The following PCDHGB2 variants were observed in gnomAD, a reference collection of about 807,000 sequenced individuals.
PCDHGB2 encodes the protein protocadherin gamma subfamily B, 2.
Under a neutral mutation model 59.3 loss-of-function variants are expected in PCDHGB2, and 55 were observed. The ratio of observed to expected loss-of-function variants is 0.93; its 90% confidence interval spans 0.75 to 1.16. The LOEUF is 1.16. PCDHGB2 is among the 50% of genes most tolerant of loss of function. The pLI is 0.00. For missense variants in PCDHGB2, 1,228 were observed against 1,198.5 expected, an observed-to-expected ratio of 1.02 and a Z score of -0.36; for synonymous variants, 516 against 512.0, an observed-to-expected ratio of 1.01 and a Z score of -0.11.
At position 141,489,562 on chromosome 5, in the gene PCDHGB2, G is replaced by A. The variant is rs770734883; in HGVS notation, c.2422-5245G>A. ...CACCAGCTGCCTGCTGCCAGTGCAG[G>A]TGGTGACTGAACACCCCCTGGAGCT... On this transcript the variant is annotated intron_variant, in intron 1 of 3. Coordinates refer to ENST00000522605, the MANE Select transcript of PCDHGB2 (RefSeq NM_018923.3). The surrounding 1 kb of genome is among the most constrained non-coding windows in gnomAD (Gnocchi z 4.5). 2 of 1,614,114 alleles carry A rather than the reference G, an allele frequency of 1.2e-6. No homozygotes were observed. Among genetic ancestry groups the A allele is most frequent in the Non-Finnish European group, 1.7e-6 (2 of 1,180,028 alleles).
intron 2 of PCDHGB2, among the ~76,000 whole-genome samples, chr5:141,502,989 G>A (rs140974023): frequency 0.024 from 3,652 of 150,590 alleles, 56 homozygotes; most frequent in East Asian, 0.043. Context: ...GATTACAGGC[G>A]TGTGCCACCA....
intron 2 of PCDHGB2, among the ~76,000 whole-genome samples, chr5:141,497,671 C>T (rs1026356633): frequency 6.6e-5 from 10 of 151,878 alleles, no homozygotes; most frequent in African/African-American, 2.4e-4. Flanking sequence ...TCCCGAGTAG[C>T]TGGGACAGCA....
At chr5:141,409,995 C>A (rs777416137) in intron 1 of PCDHGB2, 2 of 1,613,308 alleles carry the variant, frequency 1.2e-6, no homozygotes, top group Admixed American at 3.3e-5. Flanking sequence ...GACGCCGACT[C>A]GGGACACAAC....
At chr5:141,418,987 A>T (rs1244429131) in intron 1 of PCDHGB2, 2 of 1,613,856 alleles carry the variant, frequency 1.2e-6, no homozygotes, top group Non-Finnish European at 1.7e-6. Flanking sequence ...ACCAAGACTC[A>T]GGGGAAAATG....
In PCDHGB2 at chr5:141,449,878, A is replaced by G. The variant is rs536474516; in HGVS notation, c.2422-44929A>G. On this transcript the variant is annotated intron_variant, in intron 1 of 3. Transcript: ENST00000522605. ...ATAAAAATCAGAAAATTTAACATCA[A>G]TGCAATATAATTATTTAGCCTATAG... 6.6e-4 allele frequency among the ~76,000 whole-genome samples: 100 copies of G among 152,050 alleles called. 1 individual carries two copies. The highest frequency in any genetic ancestry group is 2.4e-3 in the African/African-American group (99 of 41,574).
chr5:141,420,286 A>C, intron 1 of PCDHGB2: 1 of 1,505,774 alleles, frequency 6.6e-7, no homozygotes, highest in Non-Finnish European at 8.9e-7. Flanking sequence ...TAAGTATTTA[A>C]AAATGTATTT....
chr5:141,483,903 G>C (rs1167942546), intron 1 of PCDHGB2, among the ~76,000 whole-genome samples: 1 of 151,282 alleles, frequency 6.6e-6, no homozygotes, highest in Admixed American at 6.6e-5. Context: ...GCTCTGGTGT[G>C]TTTCCCACTC....
At chr5:141,509,216 T>C (rs2099875781) in intron 3 of PCDHGB2, among the ~76,000 whole-genome samples, 1 of 152,124 alleles carries the variant, frequency 6.6e-6, no homozygotes, top group South Asian at 2.1e-4. Flanking sequence ...TATTTCTCAA[T>C]CCCTGGTTGA....
At position 141,361,411 on chromosome 5, in the gene PCDHGB2, G is replaced by C; in HGVS notation, c.1276G>C (p.Asp426His). ...ATACAATCTCACCATCACAGCCACC[G>C]ACGGGGGCAAGCCGCCCCTCTCCTC... is the stretch of plus-strand genomic sequence containing the variant. ...PEYNLTITATDGGKPPLSSSI... is the reference protein window; with the variant it reads ...PEYNLTITATHGGKPPLSSSI... The change falls in exon 1 of 4, where the codon GAC becomes CAC. Residue 426 changes from aspartate (D) to histidine (H), a missense_variant. Transcript: ENST00000522605. The C allele has an allele frequency of 1.2e-6, 2 of 1,613,998 alleles. No individual in the cohort carries two copies. The highest frequency in any genetic ancestry group is 2.2e-5 in the South Asian group (2 of 91,082).
chr5:141,373,270 G>A (rs1444168164), intron 1 of PCDHGB2, among the ~76,000 whole-genome samples: 3 of 152,194 alleles, frequency 2.0e-5, no homozygotes, highest in Non-Finnish European at 4.4e-5. Context: ...AGTATACACA[G>A]ATGTTGCCTA....
rs765185360 is a variant in PCDHGB2, at chr5:141,491,451, C to T, written c.2422-3356C>T. 1.2e-6 allele frequency: 2 copies of T among 1,614,112 alleles called. No individual in the cohort carries two copies. The highest frequency in any genetic ancestry group is 1.1e-5 in the South Asian group (1 of 91,082). On this transcript the variant is annotated intron_variant, in intron 1 of 3. Coordinates refer to ENST00000522605, the MANE Select transcript of PCDHGB2 (RefSeq NM_018923.3). This position sits in a 1 kb window ranked among gnomAD's most constrained non-coding sequence, Gnocchi z 6.9. ...AGTGCTGCAGGCGCCAGGACTCACC[C>T]TCCCCGGACTTCTATAAGCAGTCCA...
chr5:141,476,747 C>T lies in PCDHGB2; in HGVS notation c.2422-18060C>T. The T allele has an allele frequency of 6.2e-7, 1 of 1,614,066 alleles. No homozygotes were observed. The highest frequency in any genetic ancestry group is 8.5e-7 in the Non-Finnish European group (1 of 1,180,036). On this transcript the variant is annotated intron_variant, in intron 1 of 3. Transcript: ENST00000522605. This position sits in a 1 kb window ranked among gnomAD's most constrained non-coding sequence, Gnocchi z 7.6. The stretch of plus-strand genomic sequence containing the variant: ...GGACCGAGAACGGGAGCCTAGTCTC[C>T]AGTTAGTGCTGACGGCGTTGGACGG...
In PCDHGB2 at chr5:141,477,250, C is replaced by G; in HGVS notation, c.2422-17557C>G. 6.2e-7 allele frequency: 1 copy of G among 1,614,190 alleles called. No homozygotes were observed. The highest frequency in any genetic ancestry group is 8.5e-7 in the Non-Finnish European group (1 of 1,180,040). On this transcript the variant is annotated intron_variant, in intron 1 of 3. Coordinates refer to ENST00000522605, the MANE Select transcript of PCDHGB2 (RefSeq NM_018923.3). The surrounding 1 kb of genome is among the most constrained non-coding windows in gnomAD (Gnocchi z 4.9). ...TCATCGCTTTGCTCAGTGTGACTGA[C>G]CTGGATGCTGGCGAGAACGGGCTGG...
chr5:141,510,795 G>T (rs994874330), intron 3 of PCDHGB2, 152 bp from the exon 4 acceptor site: 6 of 1,465,214 alleles, frequency 4.1e-6, no homozygotes. Flanking sequence ...CTTGTGAAGA[G>T]AGACTACCTT....
At chr5:141,374,211 C>G in intron 1 of PCDHGB2, 2 of 1,613,954 alleles carry the variant, frequency 1.2e-6, no homozygotes, top group Non-Finnish European at 1.7e-6. Context: ...GAGAAAGGCT[C>G]CTTCGTAGGC....
intron 1 of PCDHGB2, chr5:141,399,021 C>T (rs2093739749): frequency 1.2e-6 from 2 of 1,613,862 alleles, no homozygotes; most frequent in Non-Finnish European, 1.7e-6. Context: ...GAGAAATTAC[C>T]ACTCAAAAGA....
Position 141,486,288 on chromosome 5 carries a change from T to C in PCDHGB2, c.2422-8519T>C. 5 of 1,613,996 alleles carry C rather than the reference T, an allele frequency of 3.1e-6. No individual in the cohort carries two copies. The highest frequency in any genetic ancestry group is 4.2e-6 in the Non-Finnish European group (5 of 1,179,986). ...GAACCTGGCACTGTGGTGGCACTTA[T>C]CAGTGTGCAGGATCCAGACTCAGGG... On this transcript the variant is annotated intron_variant, in intron 1 of 3. Coordinates refer to ENST00000522605, the MANE Select transcript of PCDHGB2 (RefSeq NM_018923.3). The surrounding 1 kb of genome is among the most constrained non-coding windows in gnomAD (Gnocchi z 5.0).
chr5:141,417,875 G>A, intron 1 of PCDHGB2: 1 of 1,556,360 alleles, frequency 6.4e-7, no homozygotes, highest in South Asian at 1.2e-5. Flanking sequence ...AGGGAGCTGC[G>A]CGCAGAGGCG....
rs1258238617 is a variant in PCDHGB2, at chr5:141,409,461, T to A, written c.2421+46905T>A. On this transcript the variant is annotated intron_variant, in intron 1 of 3. Coordinates refer to ENST00000522605, the MANE Select transcript of PCDHGB2 (RefSeq NM_018923.3). ...CGAGAGCAGACACCAGAATACAATG[T>A]CACCATCGTAGCCACTGACAGGGGC... The A allele has an allele frequency of 5.0e-6, 8 of 1,613,928 alleles. No homozygotes were observed. In the Admixed American group the frequency reaches 1.3e-4, roughly 27 times the overall value.
Sources: allele counts gnomAD v4.1 joint callset (sites outside exome capture counted in the v4.1 genomes callset), GRCh38; gene constraint gnomAD v4.1.1; non-coding constraint Gnocchi (gnomAD v3.1); transcripts MANE v1.5; gene names NCBI Gene and HGNC (gene_info 2026-07-23, HGNC 2026-07-21).